PRKN: variants seen among roughly 807,000 people sequenced by gnomAD.
The protein encoded by PRKN is E3 ubiquitin-protein ligase parkin.
In PRKN, 56 loss-of-function variants were observed where a neutral mutation model predicts 59.5. The ratio of observed to expected loss-of-function variants is 0.94; its 90% CI spans 0.76 to 1.18. The LOEUF is 1.18. PRKN is among the 50% of genes most tolerant of loss of function. PRKN has a pLI of 0.00. For missense variants in PRKN, 657 were observed against 596.4 expected (o/e 1.10, Z -1.06); for synonymous variants, 250 against 222.1 (o/e 1.13, Z -1.12).
In PRKN at chr6:162,380,525, G is replaced by A. The variant is rs540955200; in HGVS notation, c.171+62785C>T. 6.0e-3 allele frequency among the ~76,000 whole-genome samples: 788 copies of A among 132,140 alleles called. 6 individuals carry two copies. The highest frequency in any genetic ancestry group is 0.015 in the African/African-American group (547 of 35,292). The allele number at this position is 132,140 out of a possible 152,430, so 86.7% of individuals were successfully genotyped here. ...TATATGTGTGTATATATATATATATGTATATATACATATATATATGTATCA... is the reference window on the plus strand; with the variant it reads ...TATATGTGTGTATATATATATATATATATATATACATATATATATGTATCA... On this transcript the variant is annotated intron_variant, in intron 2 of 11. Transcript: ENST00000366898.
rs1783300337 is a variant in PRKN at position 162,023,609 on chromosome 6, T to C, written c.618+30482A>G. On this transcript the variant is annotated intron_variant, in intron 5 of 11. Coordinates refer to ENST00000366898, the MANE Select transcript of PRKN (RefSeq NM_004562.3). ...AGCGGCTTGCATCTTCTTCCGCCGA[T>C]GTGCTCCTCTCCATGTCTGGCCGTC... Among the ~76,000 whole-genome samples the C allele has an allele frequency of 2.6e-5, 4 of 152,146 alleles. No individual in the cohort carries two copies. The South Asian group carries it at 8.3e-4, about 32-fold the overall frequency.
intron 6 of PRKN, among the ~76,000 whole-genome samples, chr6:161,795,943 A>G (rs1306882093): frequency 6.6e-6 from 1 of 152,204 alleles, no homozygotes; most frequent in East Asian, 1.9e-4. Context: ...AGGCTTTATT[A>G]AAGTCCCAAA....
intron 2 of PRKN, among the ~76,000 whole-genome samples, chr6:162,374,073 T>C (rs1167910506): frequency 6.6e-6 from 1 of 152,220 alleles, no homozygotes; most frequent in Admixed American, 6.5e-5. Context: ...CAGTTTACTC[T>C]GTACAGGGAA....
At chr6:161,987,275 A>G (rs1583444210) in intron 5 of PRKN, among the ~76,000 whole-genome samples, 1 of 152,252 alleles carries the variant, frequency 6.6e-6, no homozygotes, top group South Asian at 2.1e-4. Flanking sequence ...TAAATGTTAC[A>G]CTGAGTTTTT....
chr6:162,650,802 ATAAAAT>A (rs1778399735), intron 1 of PRKN, among the ~76,000 whole-genome samples: 1 of 152,144 alleles, frequency 6.6e-6, no homozygotes. Context: ...TAACAAAGAT[ATAAAAT>A]TAAGGGAACT....
At chr6:162,544,077 G>A (rs2846464) in intron 1 of PRKN, among the ~76,000 whole-genome samples, 66,567 of 152,044 alleles carry the variant, frequency 0.44, 16,934 homozygotes, top group Non-Finnish European at 0.58. Context: ...TGTACCTTCT[G>A]TGAATGTGGT....
intron 7 of PRKN, among the ~76,000 whole-genome samples, chr6:161,668,661 G>A (rs1784805758): frequency 6.6e-6 from 1 of 152,158 alleles, no homozygotes; most frequent in South Asian, 2.1e-4. Context: ...TGAGGCCTGG[G>A]ATGGTTTCTT....
At chr6:161,787,071 ATGTAAT>A (rs1562684329) in intron 6 of PRKN, among the ~76,000 whole-genome samples, 1 of 152,186 alleles carries the variant, frequency 6.6e-6, no homozygotes, top group Admixed American at 6.5e-5. Context: ...CCTATTTCCT[ATGTAAT>A]TGTAACAAAA....
At chr6:161,979,136 A>G (rs575451115) in intron 5 of PRKN, among the ~76,000 whole-genome samples, 75 of 152,244 alleles carry the variant, frequency 4.9e-4, no homozygotes, top group South Asian at 1.0e-3. Context: ...GCTAAAATCT[A>G]TAACAGCAAA....
chr6:161,542,274 G>A (rs1026023779), intron 9 of PRKN, among the ~76,000 whole-genome samples: 2 of 152,284 alleles, frequency 1.3e-5, no homozygotes, highest in South Asian at 4.1e-4. Flanking sequence ...CGTCAACAGT[G>A]GATCATTGTA....
intron 1 of PRKN, among the ~76,000 whole-genome samples, chr6:162,479,753 ATC>A (rs1370868584): frequency 4.3e-5 from 4 of 92,264 alleles, no homozygotes; most frequent in African/African-American, 1.4e-4. Flanking sequence ...TTTTACAGTT[ATC>A]TGTTTTTTTT....
intron 2 of PRKN, among the ~76,000 whole-genome samples, chr6:162,314,282 C>T (rs1447508885): frequency 6.6e-6 from 1 of 152,102 alleles, no homozygotes; most frequent in Non-Finnish European, 1.5e-5. Context: ...AAACATCAGC[C>T]TTTTTCACCC....
chr6:161,443,898 G>A (rs1789369033), intron 9 of PRKN, among the ~76,000 whole-genome samples: 1 of 152,222 alleles, frequency 6.6e-6, no homozygotes, highest in African/African-American at 2.4e-5. Context: ...AGTAATAACG[G>A]AGCTGCCTAA....
chr6:162,288,023 C>A (rs1318323110), intron 2 of PRKN, among the ~76,000 whole-genome samples: 1 of 152,146 alleles, frequency 6.6e-6, no homozygotes, highest in Non-Finnish European at 1.5e-5. Flanking sequence ...CAGGTTCTGT[C>A]TTATTCCGGA....
intron 5 of PRKN, among the ~76,000 whole-genome samples, chr6:162,052,975 A>G (rs1456249278): frequency 2.0e-5 from 3 of 152,280 alleles, no homozygotes; most frequent in East Asian, 3.9e-4. Context: ...ATGTAAACGT[A>G]TGTAATTACA....
intron 2 of PRKN, among the ~76,000 whole-genome samples, chr6:162,335,492 C>T (rs1471755779): frequency 2.6e-5 from 4 of 152,134 alleles, no homozygotes; most frequent in African/African-American, 9.7e-5. Context: ...TGGAATCTAA[C>T]CTGTAGTATC....
intron 1 of PRKN, among the ~76,000 whole-genome samples, chr6:162,570,902 C>T (rs558426574): frequency 3.9e-5 from 6 of 152,118 alleles, no homozygotes; most frequent in Admixed American, 1.3e-4. Context: ...TCAATAATAA[C>T]TTAATTGTGT....
intron 5 of PRKN, among the ~76,000 whole-genome samples, chr6:162,025,713 T>C (rs2128277526): frequency 6.7e-6 from 1 of 148,262 alleles, no homozygotes; most frequent in South Asian, 2.2e-4. Context: ...CTCAGCCTCC[T>C]GAGTAGCTGG....
intron 2 of PRKN, among the ~76,000 whole-genome samples, chr6:162,415,382 G>T (rs1470779693): frequency 6.6e-6 from 1 of 152,134 alleles, no homozygotes; most frequent in Non-Finnish European, 1.5e-5. Context: ...TTCAATAAAG[G>T]CAGCTGAAAT....
Sources: gnomAD v4.1 joint callset for allele counts (sites outside exome capture counted in the v4.1 genomes callset) on GRCh38, gnomAD v4.1.1 for gene constraint, MANE v1.5 for transcripts, NCBI Gene and HGNC (gene_info 2026-07-23, HGNC 2026-07-21) for gene names.